The following EXOSC6 variants were observed in gnomAD, a reference collection of about 807,000 sequenced individuals.
EXOSC6 encodes the protein exosome complex component MTR3.
Under a neutral mutation model 16.7 loss-of-function variants are expected in EXOSC6, and 21 were observed. The ratio of observed to expected loss-of-function variants is 1.26; its 90% CI spans 0.89 to 1.82. The LOEUF (loss-of-function observed/expected upper bound fraction) is 1.82, where lower values mean the gene tolerates loss of function less well. EXOSC6 is among the 40% of genes most tolerant of loss of function. The pLI is 0.00. For synonymous variants in EXOSC6, 297 were observed against 217.1 expected, an observed-to-expected ratio of 1.37 and a Z score of -3.24; for missense variants, 538 against 415.7, an observed-to-expected ratio of 1.29 and a Z score of -2.56.
Position 70,251,197 on chromosome 16 carries a change from T to C in EXOSC6, c.704A>G (p.Glu235Gly). 2.6e-6 allele frequency: 4 copies of C among 1,514,716 alleles called. No individual in the cohort carries two copies. Among genetic ancestry groups the C allele is most frequent in the Non-Finnish European group, 2.6e-6 (3 of 1,139,276 alleles). 93.8% of individuals were successfully genotyped at this position (1,514,716 alleles called of 1,614,324 possible). Residue 235 changes from glutamate to glycine, a missense_variant, in exon 1 of 1, where the codon GAG (glutamate) becomes GGG (glycine). Glu to Gly is a moderately conservative substitution (Grantham distance 98, BLOSUM62 -2). Transcript: ENST00000435634. ...CAGGCGTACGGCCTCCGCCCAGCTCTCTGTCAGGCCGCCCTCGCCGCTGCC... is the reference window on the plus strand; with the variant it reads ...CAGGCGTACGGCCTCCGCCCAGCTCCCTGTCAGGCCGCCCTCGCCGCTGCC... ...LLGSGEGGLT[E>G]SWAEAVRLGL...
chr16:70,251,841 G>T lies in EXOSC6; in HGVS notation c.60C>A (p.Tyr20Ter). 1 of 1,552,564 alleles carries T rather than the reference G, an allele frequency of 6.4e-7. No individual in the cohort carries two copies. Among genetic ancestry groups the T allele is most frequent in the South Asian group, 1.2e-5 (1 of 86,572 alleles). The change falls in exon 1 of 1, where the codon TAC becomes TAA. Residue 20 changes from tyrosine to a stop codon, truncating the protein, a stop_gained. Coordinates refer to ENST00000435634, the MANE Select transcript of EXOSC6 (RefSeq NM_058219.3). LOFTEE classifies it high-confidence loss of function. ...GPEESQPPQL[Y>*]AADEEEAPGT... ...CGGGCGCCTCCTCCTCGTCGGCCGC[G>T]TACAGCTGCGGCGGCTGCGATTCTT...
In EXOSC6 at chr16:70,251,072, G is replaced by C. The variant is rs767833065; in HGVS notation, c.*10C>G. 1 of 1,455,264 alleles carries C rather than the reference G, an allele frequency of 6.9e-7. No individual in the cohort carries two copies. The highest frequency in any genetic ancestry group is 1.5e-5 in the African/African-American group (1 of 67,324). The allele number at this position is 1,455,264 out of a possible 1,614,324, so 90.1% of individuals were successfully genotyped here. On this transcript the variant is annotated 3_prime_UTR_variant, in exon 1 of 1. Coordinates refer to ENST00000435634, the MANE Select transcript of EXOSC6 (RefSeq NM_058219.3). ...CTCGGCTTGCGTCCGTAGTTGCTCA[G>C]GCTTCTGGTTCAGGGCTGGGCGGCG...
rs995311097 is a variant in EXOSC6, at chr16:70,250,896, T to C, written c.*186A>G. 1.8e-5 allele frequency: 12 copies of C among 660,928 alleles called. No individual in the cohort carries two copies. In the African/African-American group the frequency reaches 1.9e-4, roughly 10 times the overall value. The allele number at this position is 660,928 out of a possible 1,614,324, so 40.9% of individuals were successfully genotyped here. A position where few individuals can be genotyped will look rare whatever the true frequency, so the allele number is the denominator to read the frequency against. Reference sequence around the variant, plus strand: ...CAGGGGCTGTTGAGTTTTGCCTTTATCATTCCAAGTAGTCCCTGCTCCAGA... The same window carrying C: ...CAGGGGCTGTTGAGTTTTGCCTTTACCATTCCAAGTAGTCCCTGCTCCAGA... On this transcript the variant is annotated 3_prime_UTR_variant, in exon 1 of 1. Coordinates refer to ENST00000435634, the MANE Select transcript of EXOSC6 (RefSeq NM_058219.3).
Position 70,250,204 on chromosome 16 carries a change from A to T in EXOSC6, c.*878T>A, listed in dbSNP as rs1959775461. On this transcript the variant is annotated 3_prime_UTR_variant, in exon 1 of 1. Coordinates refer to ENST00000435634, the MANE Select transcript of EXOSC6 (RefSeq NM_058219.3). ...AAGAGAATAAATAGCAAATGAATGA[A>T]AACTAGAAGCAAAAACAAACAGGAA... The T allele has an allele frequency of 6.6e-6, 1 of 152,038 alleles. No homozygotes were observed. The highest frequency in any genetic ancestry group is 2.4e-5 in the African/African-American group (1 of 41,302). 9.4% of individuals were successfully genotyped at this position (152,038 alleles called of 1,614,324 possible).
rs923921443 is a variant in EXOSC6 at position 70,251,247 on chromosome 16, C to T, written c.654G>A (p.Val218=). ...CCAGCAGCCCGGCCACCTGATTCAG[C>T]ACAGGCATGAGCGCCACGGTGAGGC... ...AAGLTVALMP[V]LNQVAGLLGS... Residue 218 remains valine (V), a synonymous_variant, in exon 1 of 1, where the codon GTG becomes GTA. Transcript: ENST00000435634. 2.7e-6 allele frequency: 4 copies of T among 1,497,726 alleles called. No homozygotes were observed. The highest frequency in any genetic ancestry group is 3.5e-6 in the Non-Finnish European group (4 of 1,130,404). 92.8% of individuals were successfully genotyped at this position (1,497,726 alleles called of 1,614,324 possible).
Position 70,249,325 on chromosome 16 carries a change from G to C in EXOSC6, c.*1757C>G, listed in dbSNP as rs1464105335. 1.3e-5 allele frequency: 2 copies of C among 152,110 alleles called. No homozygotes were observed. The highest frequency in any genetic ancestry group is 4.9e-5 in the African/African-American group (2 of 41,152). The allele number at this position is 152,110 out of a possible 1,614,324, so 9.4% of individuals were successfully genotyped here. On this transcript the variant is annotated 3_prime_UTR_variant, in exon 1 of 1. Coordinates refer to ENST00000435634, the MANE Select transcript of EXOSC6 (RefSeq NM_058219.3). ...AGGCAGGAGAATCGCTTGAACCTGG[G>C]AGGCAGAGGTTGCAGTGAGCCGAGA...
In EXOSC6 at chr16:70,251,693, G is replaced by T. The variant is rs951518012; in HGVS notation, c.208C>A (p.Arg70=). ...CCGCGCTCGCCGCCCTCGGCCTGTC[G>T]CGGGCCCGACACGGCACACAGCACC... is the stretch of plus-strand genomic sequence containing the variant. ...TKVLCAVSGP[R]QAEGGERGGG... The change falls in exon 1 of 1, where the codon CGA becomes AGA. Residue 70 remains arginine, a synonymous_variant. Coordinates refer to ENST00000435634, the MANE Select transcript of EXOSC6 (RefSeq NM_058219.3). 9.5e-5 allele frequency: 123 copies of T among 1,290,152 alleles called. No individual in the cohort carries two copies. Among genetic ancestry groups the T allele is most frequent in the Non-Finnish European group, 1.1e-4 (117 of 1,023,072 alleles). 79.9% of individuals were successfully genotyped at this position (1,290,152 alleles called of 1,614,324 possible).
At position 70,248,187 on chromosome 16, in the gene EXOSC6, A is replaced by C. The variant is rs1479972121; in HGVS notation, c.*2895T>G. On this transcript the variant is annotated 3_prime_UTR_variant, in exon 1 of 1. Coordinates refer to ENST00000435634, the MANE Select transcript of EXOSC6 (RefSeq NM_058219.3). ...AATTACAGAAATTTGAATATAGAAC[A>C]CATATGTAATAAAATTCATTTTCTT... 4 of 152,188 alleles carry C rather than the reference A, an allele frequency of 2.6e-5. No individual in the cohort carries two copies. Among genetic ancestry groups the C allele is most frequent in the Non-Finnish European group, 5.9e-5 (4 of 68,036 alleles). 9.4% of individuals were successfully genotyped at this position (152,188 alleles called of 1,614,324 possible).
rs1388432649 is a variant in EXOSC6 at position 70,247,317 on chromosome 16, ACT to A, written c.*3763_*3764del. 6.5e-6 allele frequency: 1 copy of A among 154,212 alleles called. No individual in the cohort carries two copies. The highest frequency in any genetic ancestry group is 2.4e-5 in the African/African-American group (1 of 41,450). The allele number at this position is 154,212 out of a possible 1,614,324, so 9.6% of individuals were successfully genotyped here. A position where few individuals can be genotyped will look rare whatever the true frequency, so the allele number is the denominator to read the frequency against. Reference sequence around the variant, plus strand: ...CTAAGATGTTAAGCTAAAAACAAATACTGTTTTCTCTTCTTCAATGTTTGTTA... The same window carrying A: ...CTAAGATGTTAAGCTAAAAACAAATAGTTTTCTCTTCTTCAATGTTTGTTA... On this transcript the variant is annotated 3_prime_UTR_variant, in exon 1 of 1. Coordinates refer to ENST00000435634, the MANE Select transcript of EXOSC6 (RefSeq NM_058219.3).
At position 70,251,845 on chromosome 16, in the gene EXOSC6, AGCT is replaced by A. The variant is rs1353803684; in HGVS notation, c.53_55del (p.Gln18del). ...CGCCTCCTCCTCGTCGGCCGCGTAC[AGCT>A]GCGGCGGCTGCGATTCTTCAGGGCC... On this transcript the variant is annotated inframe_deletion, in exon 1 of 1. Transcript: ENST00000435634. 6.4e-7 allele frequency: 1 copy of A among 1,555,658 alleles called. No homozygotes were observed. The highest frequency in any genetic ancestry group is 8.6e-7 in the Non-Finnish European group (1 of 1,161,194).
Position 70,248,970 on chromosome 16 carries a change from T to C in EXOSC6, c.*2112A>G, listed in dbSNP as rs1390340118. 6 of 146,162 alleles carry C rather than the reference T, an allele frequency of 4.1e-5. No individual in the cohort carries two copies. The highest frequency in any genetic ancestry group is 2.1e-4 in the South Asian group (1 of 4,686). 9.1% of individuals were successfully genotyped at this position (146,162 alleles called of 1,614,324 possible). On this transcript the variant is annotated 3_prime_UTR_variant, in exon 1 of 1. Transcript: ENST00000435634. The stretch of plus-strand genomic sequence containing the variant: ...GAGAACACTCCTTATATTTCCTTTA[T>C]ATTTTGTAAACTACATACCCAAAAT...
Position 70,251,406 on chromosome 16 carries a change from G to GGCGGCGGTGAGC in EXOSC6, c.483_494dup (p.Leu162_Ala165dup). ...CGCCCGCGTCGGCCAGGGCGAGCGC[G>GGCGGCGGTGAGC]GCGGCGGTGAGCGCGGCGGCCAGGG... is the stretch of plus-strand genomic sequence containing the variant. On this transcript the variant is annotated inframe_insertion, in exon 1 of 1. Transcript: ENST00000435634. The GGCGGCGGTGAGC allele has an allele frequency of 7.5e-7, 1 of 1,341,354 alleles. No homozygotes were observed. Among genetic ancestry groups the GGCGGCGGTGAGC allele is most frequent in the Non-Finnish European group, 9.5e-7 (1 of 1,053,112 alleles). The allele number at this position is 1,341,354 out of a possible 1,614,324, so 83.1% of individuals were successfully genotyped here. A position where few individuals can be genotyped will look rare whatever the true frequency, so the allele number is the denominator to read the frequency against.
chr16:70,251,260 G>A lies in EXOSC6; in HGVS notation c.641C>T (p.Ala214Val), dbSNP rs754938376. 8 of 1,464,640 alleles carry A rather than the reference G, an allele frequency of 5.5e-6. No individual in the cohort carries two copies. Among genetic ancestry groups the A allele is most frequent in the East Asian group, 2.9e-5 (1 of 34,246 alleles). 90.7% of individuals were successfully genotyped at this position (1,464,640 alleles called of 1,614,324 possible). A position where few individuals can be genotyped will look rare whatever the true frequency, so the allele number is the denominator to read the frequency against. Residue 214 changes from alanine (A) to valine (V), a missense_variant, in exon 1 of 1, where the codon GCG (alanine) becomes GTG (valine). Transcript: ENST00000435634. ...EERAAAGLTV[A>V]LMPVLNQVAG... ...CACCTGATTCAGCACAGGCATGAGCGCCACGGTGAGGCCGGCGGCGGCGCG... is the reference window on the plus strand; with the variant it reads ...CACCTGATTCAGCACAGGCATGAGCACCACGGTGAGGCCGGCGGCGGCGCG...
chr16:70,251,073 G>A lies in EXOSC6; in HGVS notation c.*9C>T, dbSNP rs750709481. The A allele has an allele frequency of 2.1e-6, 3 of 1,456,556 alleles. No homozygotes were observed. Among genetic ancestry groups the A allele is most frequent in the Non-Finnish European group, 2.7e-6 (3 of 1,117,622 alleles). 90.2% of individuals were successfully genotyped at this position (1,456,556 alleles called of 1,614,324 possible). On this transcript the variant is annotated 3_prime_UTR_variant, in exon 1 of 1. Coordinates refer to ENST00000435634, the MANE Select transcript of EXOSC6 (RefSeq NM_058219.3). ...TCGGCTTGCGTCCGTAGTTGCTCAG[G>A]CTTCTGGTTCAGGGCTGGGCGGCGG...
In EXOSC6 at chr16:70,251,822, C is replaced by G. The variant is rs776157604; in HGVS notation, c.79G>C (p.Ala27Pro). The G allele has an allele frequency of 1.3e-6, 2 of 1,533,704 alleles. No homozygotes were observed. Among genetic ancestry groups the G allele is most frequent in the Admixed American group, 1.9e-5 (1 of 51,312 alleles). ...CGCGTTGGGTCGCGGGTGCCGGGCG[C>G]CTCCTCCTCGTCGGCCGCGTACAGC... is the stretch of plus-strand genomic sequence containing the variant. ...PQLYAADEEE[A>P]PGTRDPTRLR... Residue 27 changes from alanine (A) to proline (P), a missense_variant, in exon 1 of 1, where the codon GCG (alanine) becomes CCG (proline). Transcript: ENST00000435634.
In EXOSC6 at chr16:70,247,919, G is replaced by T. The variant is rs370596622; in HGVS notation, c.*3163C>A. On this transcript the variant is annotated 3_prime_UTR_variant, in exon 1 of 1. Transcript: ENST00000435634. ...AAAATATAAAAATTAGCAGAGCACA[G>T]TGGCACCTGCCTGTAATCCCAGCTA... is the stretch of plus-strand genomic sequence containing the variant. The T allele has an allele frequency of 6.6e-6, 1 of 152,154 alleles. No individual in the cohort carries two copies. Among genetic ancestry groups the T allele is most frequent in the Admixed American group, 6.6e-5 (1 of 15,262 alleles). 9.4% of individuals were successfully genotyped at this position (152,154 alleles called of 1,614,324 possible).
Position 70,251,772 on chromosome 16 carries a change from G to C in EXOSC6, c.129C>G (p.Ala43=), listed in dbSNP as rs956832401. The C allele has an allele frequency of 8.3e-6, 12 of 1,442,454 alleles. No individual in the cohort carries two copies. The highest frequency in any genetic ancestry group is 1.1e-5 in the Non-Finnish European group (12 of 1,109,482). 89.4% of individuals were successfully genotyped at this position (1,442,454 alleles called of 1,614,324 possible). A position where few individuals can be genotyped will look rare whatever the true frequency, so the allele number is the denominator to read the frequency against. The change falls in exon 1 of 1, where the codon GCC becomes GCG. Residue 43 remains alanine, a synonymous_variant. Transcript: ENST00000435634. ...AGCCCTTGGCCTGGCTCAGCAGCCC[G>C]GCGCGCGCGTACACGGGCCGTAGCC... is the stretch of plus-strand genomic sequence containing the variant. ...PTRLRPVYAR[A]GLLSQAKGSA...
Position 70,251,818 on chromosome 16 carries a change from G to A in EXOSC6, c.83C>T (p.Pro28Leu). 1 of 1,529,780 alleles carries A rather than the reference G, an allele frequency of 6.5e-7. No individual in the cohort carries two copies. 94.8% of individuals were successfully genotyped at this position (1,529,780 alleles called of 1,614,324 possible). A position where few individuals can be genotyped will look rare whatever the true frequency, so the allele number is the denominator to read the frequency against. ...QLYAADEEEA[P>L]GTRDPTRLRP... ...TAGCCGCGTTGGGTCGCGGGTGCCG[G>A]GCGCCTCCTCCTCGTCGGCCGCGTA... Residue 28 changes from proline to leucine, a missense_variant, in exon 1 of 1, where the codon CCC (proline) becomes CTC (leucine). By Grantham distance (98) the Pro-to-Leu change is moderately conservative. Coordinates refer to ENST00000435634, the MANE Select transcript of EXOSC6 (RefSeq NM_058219.3).
chr16:70,251,532 C>T lies in EXOSC6; in HGVS notation c.369G>A (p.Ala123=), dbSNP rs1419275759. 1.1e-5 allele frequency: 13 copies of T among 1,233,690 alleles called. No individual in the cohort carries two copies. The highest frequency in any genetic ancestry group is 6.4e-5 in the African/African-American group (4 of 62,960). The allele number at this position is 1,233,690 out of a possible 1,614,324, so 76.4% of individuals were successfully genotyped here. Residue 123 remains alanine, a synonymous_variant, in exon 1 of 1, where the codon GCG becomes GCA. Transcript: ENST00000435634. ...PPGGCEEREL[A]LALQEALEPA... Reference sequence around the variant, plus strand: ...GCTCCAGCGCCTCCTGCAGCGCCAGCGCCAGCTCACGCTCCTCGCAGCCGC... The same window carrying T: ...GCTCCAGCGCCTCCTGCAGCGCCAGTGCCAGCTCACGCTCCTCGCAGCCGC...
Sources: allele counts gnomAD v4.1 joint callset, GRCh38; gene constraint gnomAD v4.1.1; transcripts MANE v1.5; gene names NCBI Gene and HGNC (gene_info 2026-07-23, HGNC 2026-07-21).